The following TBC1D22A variants were observed in gnomAD, a reference collection of about 807,000 sequenced individuals.
The protein encoded by TBC1D22A is putative GTPase activator.
TBC1D22A carries 38 observed loss-of-function variants against 60.2 expected under a neutral mutation model. The observed-to-expected ratio is 0.63, with a 90% confidence interval of 0.49 to 0.83. The LOEUF (loss-of-function observed/expected upper bound fraction) is 0.83, where lower values mean the gene tolerates loss of function less well. Among genes scored for constraint, TBC1D22A ranks in the 40% least tolerant of loss-of-function variants. The pLI, the probability that TBC1D22A is intolerant of heterozygous loss-of-function variation, is 0.00. For synonymous variants in TBC1D22A, 302 were observed against 281.7 expected, an observed-to-expected ratio of 1.07 and a Z score of -0.72; for missense variants, 628 against 701.0, an observed-to-expected ratio of 0.90 and a Z score of 1.18.
chr22:47,157,009 G>C (rs949034694), intron 12 of TBC1D22A, among the ~76,000 whole-genome samples: 5 of 152,230 alleles, frequency 3.3e-5, no homozygotes, highest in African/African-American at 4.8e-5. Flanking sequence ...CAGAGGGACA[G>C]ATGTCAGCAC....
chr22:46,982,959 C>T (rs567728141), intron 9 of TBC1D22A, among the ~76,000 whole-genome samples: 2 of 152,200 alleles, frequency 1.3e-5, no homozygotes, highest in Non-Finnish European at 2.9e-5. Flanking sequence ...GATGCCGCTG[C>T]GTGGACAGCT....
At chr22:46,890,942 C>T (rs1047036210) in intron 5 of TBC1D22A, among the ~76,000 whole-genome samples, 4 of 152,168 alleles carry the variant, frequency 2.6e-5, no homozygotes, top group Non-Finnish European at 4.4e-5. Context: ...TCTCGCAGCC[C>T]TGTTGTAGAA....
intron 9 of TBC1D22A, among the ~76,000 whole-genome samples, chr22:46,980,284 G>C (rs2074463316): frequency 6.6e-6 from 1 of 152,240 alleles, no homozygotes; most frequent in South Asian, 2.1e-4. Flanking sequence ...CCGGGTTCAA[G>C]TGATTCTCCT....
rs769717225 is a variant in TBC1D22A, at chr22:46,793,528, G to T, written c.147G>T (p.Pro49=). 4 of 1,614,104 alleles carry T rather than the reference G, an allele frequency of 2.5e-6. No individual in the cohort carries two copies. The highest frequency in any genetic ancestry group is 3.3e-5 in the Admixed American group (2 of 60,022). Residue 49 remains proline, a synonymous_variant, in exon 3 of 13, where the codon CCG becomes CCT. Coordinates refer to ENST00000337137, the MANE Select transcript of TBC1D22A (RefSeq NM_014346.5). ...TGCTCAGGTCCACGGCCAAGATGCC[G>T]ACCACACCAGTGAAGGCCAAGAGGG... is the stretch of plus-strand genomic sequence containing the variant. ...GTLLRSTAKM[P]TTPVKAKRVS... is the part of the protein sequence containing the mutation.
At chr22:46,949,344 C>G (rs1802415944) in intron 8 of TBC1D22A, among the ~76,000 whole-genome samples, 1 of 152,210 alleles carries the variant, frequency 6.6e-6, no homozygotes, top group African/African-American at 2.4e-5. Flanking sequence ...TCCCCATTCT[C>G]AGGGAAACCT....
At chr22:47,100,653 C>G (rs114393699) in intron 11 of TBC1D22A, among the ~76,000 whole-genome samples, 1,672 of 152,324 alleles carry the variant, frequency 0.011, 35 homozygotes, top group African/African-American at 0.038. Flanking sequence ...CTGCCACCAT[C>G]CACGTAAGAC....
intron 12 of TBC1D22A, among the ~76,000 whole-genome samples, chr22:47,149,646 C>T (rs2067426654): frequency 6.6e-6 from 1 of 152,092 alleles, no homozygotes; most frequent in South Asian, 2.1e-4. Context: ...GGAAGGATGG[C>T]AGAGCCGGCA....
chr22:46,930,248 C>G (rs959549636), intron 8 of TBC1D22A, among the ~76,000 whole-genome samples: 3 of 152,116 alleles, frequency 2.0e-5, no homozygotes, highest in African/African-American at 7.2e-5. Flanking sequence ...TTTGGTGAAG[C>G]ATTTTGTATA....
At chr22:46,875,111 C>T (rs1408671005) in intron 4 of TBC1D22A, among the ~76,000 whole-genome samples, 11 of 152,154 alleles carry the variant, frequency 7.2e-5, no homozygotes, top group Admixed American at 2.6e-4. Context: ...TCCACAAGAG[C>T]GTTCATCGCA....
intron 8 of TBC1D22A, among the ~76,000 whole-genome samples, chr22:46,916,831 A>T (rs1323606688): frequency 6.6e-6 from 1 of 152,240 alleles, no homozygotes; most frequent in East Asian, 1.9e-4. Context: ...GCTTGGGGAG[A>T]AAACTCTACA....
intron 12 of TBC1D22A, among the ~76,000 whole-genome samples, chr22:47,171,316 G>A (rs1433967675): frequency 1.3e-5 from 2 of 152,222 alleles, no homozygotes; most frequent in African/African-American, 4.8e-5. Flanking sequence ...TCACCTGCTA[G>A]GAGTGGGGAA....
At chr22:46,783,561 T>C (rs1305688477) in intron 1 of TBC1D22A, among the ~76,000 whole-genome samples, 1 of 150,828 alleles carries the variant, frequency 6.6e-6, no homozygotes, top group Non-Finnish European at 1.5e-5. Flanking sequence ...TTCTGAGTTT[T>C]GTGTTTCCAT....
chr22:46,770,220 C>T (rs1601791220), intron 1 of TBC1D22A, among the ~76,000 whole-genome samples: 2 of 152,300 alleles, frequency 1.3e-5, no homozygotes, highest in East Asian at 3.9e-4. Context: ...TGTGGCGCGG[C>T]TTCTAGAAGC....
At chr22:47,050,217 C>A (rs181349421) in intron 11 of TBC1D22A, among the ~76,000 whole-genome samples, 1 of 152,218 alleles carries the variant, frequency 6.6e-6, no homozygotes, top group East Asian at 1.9e-4. Flanking sequence ...GTTGGCCAGG[C>A]TGGTCTCAAA....
rs981804858 is a variant in TBC1D22A at position 47,028,319 on chromosome 22, C to G, written c.1202-8752C>G. Among the ~76,000 whole-genome samples the G allele has an allele frequency of 6.6e-6, 1 of 152,170 alleles. No homozygotes were observed. The highest frequency in any genetic ancestry group is 6.5e-5 in the Admixed American group (1 of 15,282). On this transcript the variant is annotated intron_variant, in intron 10 of 12. Transcript: ENST00000337137. The surrounding 1 kb of genome is among the most constrained non-coding windows in gnomAD (Gnocchi z 4.4). ...TACTGAGATTCTGAGAGTGAGTGGT[C>G]GCGTTCCTGTCCCTCGGTCCCTGTC...
chr22:47,053,410 A>G (rs1013870011), intron 11 of TBC1D22A, among the ~76,000 whole-genome samples: 1 of 152,164 alleles, frequency 6.6e-6, no homozygotes, highest in Non-Finnish European at 1.5e-5. Context: ...TGGAGGCCAC[A>G]GTTACCTGCA....
chr22:46,972,079 C>T (rs1027172362), intron 8 of TBC1D22A, among the ~76,000 whole-genome samples: 2 of 152,186 alleles, frequency 1.3e-5, no homozygotes, highest in African/African-American at 4.8e-5. Flanking sequence ...GAACTGGGAC[C>T]TGCCTTTTAG....
At chr22:46,881,530 C>T (rs1197999499) in intron 5 of TBC1D22A, among the ~76,000 whole-genome samples, 1 of 152,170 alleles carries the variant, frequency 6.6e-6, no homozygotes, top group Non-Finnish European at 1.5e-5. Flanking sequence ...TCAGACCACG[C>T]ATTCAGAGAT....
At chr22:46,906,540 G>A (rs966974715) in intron 7 of TBC1D22A, among the ~76,000 whole-genome samples, 4 of 152,222 alleles carry the variant, frequency 2.6e-5, no homozygotes, top group Admixed American at 2.6e-4. Flanking sequence ...GCTGATGGCA[G>A]GCGCGGGAGC....
Sources: allele counts gnomAD v4.1 joint callset (sites outside exome capture counted in the v4.1 genomes callset), GRCh38; gene constraint gnomAD v4.1.1; non-coding constraint Gnocchi (gnomAD v3.1); transcripts MANE v1.5; gene names NCBI Gene and HGNC (gene_info 2026-07-23, HGNC 2026-07-21).